ASH1L: variants seen among roughly 807,000 people sequenced by gnomAD.
ASH1L encodes ASH1 like histone lysine methyltransferase.
In ASH1L, 23 loss-of-function variants were observed where a neutral mutation model predicts 269.0. The observed-to-expected ratio is 0.09, with a 90% CI of 0.06 to 0.12. The LOEUF (loss-of-function observed/expected upper bound fraction) is 0.12, where lower values mean the gene tolerates loss of function less well. Among genes scored for constraint, ASH1L ranks in the 10% least tolerant of loss-of-function variants. ASH1L has a pLI of 1.00. For synonymous variants in ASH1L, 1,187 were observed against 1,253.5 expected, an observed-to-expected ratio of 0.95 and a Z score of 1.12; for missense variants, 2,912 against 3,567.8, an observed-to-expected ratio of 0.82 and a Z score of 4.68.
rs189590412 is a variant in ASH1L at position 155,478,509 on chromosome 1, G to C, written c.4361C>G (p.Thr1454Arg). ...HKLLRQEAFL[T>R]TSRTPLLSMS... ...GGAAAGGAGGGGAGTCCTGCTGGTT[G>C]TAAGAAAGGCCTCCTGTCGAAGTAG... The change falls in exon 3 of 28, where the codon ACA (threonine) becomes AGA (arginine). Residue 1454 changes from threonine (T) to arginine (R), a missense_variant. Physicochemically the swap from Thr to Arg is moderately conservative, Grantham distance 71. Around this residue, in one of 13 missense-constraint regions of ASH1L, gnomAD observed 789 missense variants for 897.6 expected, o/e 0.88. Coordinates refer to ENST00000392403, the MANE Select transcript of ASH1L (RefSeq NM_018489.3). The surrounding 1 kb of genome is among the most constrained non-coding windows in gnomAD (Gnocchi z 4.6). 8.5e-5 allele frequency: 137 copies of C among 1,614,114 alleles called. 1 individual carries two copies. In the East Asian group the frequency reaches 9.4e-4, roughly 11 times the overall value.
At chr1:155,471,791 T>C (rs1665119682) in intron 3 of ASH1L, among the ~76,000 whole-genome samples, 1 of 152,250 alleles carries the variant, frequency 6.6e-6, no homozygotes, top group Non-Finnish European at 1.5e-5. Context: ...CAGGCAGAAG[T>C]ATGGATGTCT....
chr1:155,523,424 C>T (rs554807576), intron 1 of ASH1L, among the ~76,000 whole-genome samples: 1 of 152,188 alleles, frequency 6.6e-6, no homozygotes, highest in Non-Finnish European at 1.5e-5. Context: ...CCTTGAAGGT[C>T]GAGGCTGCAG....
In ASH1L at chr1:155,347,746, C is replaced by T; in HGVS notation, c.7713G>A (p.Glu2571=). 8 of 1,614,228 alleles carry T rather than the reference C, an allele frequency of 5.0e-6. No individual in the cohort carries two copies. The highest frequency in any genetic ancestry group is 5.9e-6 in the Non-Finnish European group (7 of 1,180,040). Reference sequence around the variant, plus strand: ...CATCGTCGTCCTTCTCATGCCCATTCTCCTTTTCAGAGACTGAGGTCTCAC... The same window carrying T: ...CATCGTCGTCCTTCTCATGCCCATTTTCCTTTTCAGAGACTGAGGTCTCAC... ...DSSETSVSEK[E]NGHEKDDDVI... The change falls in exon 20 of 28, where the codon GAG becomes GAA. Residue 2571 remains glutamate (E), a synonymous_variant. Transcript: ENST00000392403.
At chr1:155,422,850 A>G (rs1372955439) in intron 5 of ASH1L, among the ~76,000 whole-genome samples, 1 of 150,646 alleles carries the variant, frequency 6.6e-6, no homozygotes, top group African/African-American at 2.4e-5. Context: ...AGGTTTCACC[A>G]TGTTGACCAG....
chr1:155,369,215 G>A (rs185511964), intron 12 of ASH1L, among the ~76,000 whole-genome samples: 116 of 152,174 alleles, frequency 7.6e-4, no homozygotes, highest in African/African-American at 2.7e-3. Context: ...AGGCCGAGGC[G>A]GGCGGATCAC....
In ASH1L at chr1:155,480,902, C is replaced by A; in HGVS notation, c.1968G>T (p.Leu656Phe). 1 of 1,613,770 alleles carries A rather than the reference C, an allele frequency of 6.2e-7. No homozygotes were observed. Among genetic ancestry groups the A allele is most frequent in the South Asian group, 1.1e-5 (1 of 90,968 alleles). ...TAGTATGAATGCTGGATTCAGAAGT[C>A]AAACTTGGCTTTTTTCCAAGGGAAG... ...ISSSLGKKPS[L>F]TSESSIHTIT... Residue 656 changes from leucine (L) to phenylalanine (F), a missense_variant, in exon 3 of 28, where the codon TTG (leucine) becomes TTT (phenylalanine). By Grantham distance (22) the Leu-to-Phe change is conservative (BLOSUM62 0). Coordinates refer to ENST00000392403, the MANE Select transcript of ASH1L (RefSeq NM_018489.3).
chr1:155,559,490 G>A (rs1440121205), intron 1 of ASH1L, among the ~76,000 whole-genome samples: 1 of 147,844 alleles, frequency 6.8e-6, no homozygotes, highest in East Asian at 2.0e-4. Flanking sequence ...AATTGAGATA[G>A]CGCCACTGCA....
rs989432344 is a variant in ASH1L at position 155,335,848 on chromosome 1, C to T, written c.*1812G>A. ...TTTAATCTCTTTCTTGTCATTTTCT[C>T]GCTTTTGACTAAAAGGAGACCCCCA... is the stretch of plus-strand genomic sequence containing the variant. On this transcript the variant is annotated 3_prime_UTR_variant, in exon 28 of 28. Coordinates refer to ENST00000392403, the MANE Select transcript of ASH1L (RefSeq NM_018489.3). 6.6e-5 allele frequency: 10 copies of T among 152,278 alleles called. No individual in the cohort carries two copies. The highest frequency in any genetic ancestry group is 3.8e-4 in the East Asian group (2 of 5,318). The allele number at this position is 152,278 out of a possible 1,614,324, so 9.4% of individuals were successfully genotyped here. A position where few individuals can be genotyped will look rare whatever the true frequency, so the allele number is the denominator to read the frequency against.
At chr1:155,464,517 C>CAA (rs199682180) in intron 3 of ASH1L, among the ~76,000 whole-genome samples, 15 of 134,274 alleles carry the variant, frequency 1.1e-4, no homozygotes, top group African/African-American at 3.8e-4. Context: ...AGGCAAGCTG[C>CAA]AAAAAAAAAA....
At chr1:155,358,183 C>A (rs1654584613) in intron 13 of ASH1L, among the ~76,000 whole-genome samples, 1 of 152,014 alleles carries the variant, frequency 6.6e-6, no homozygotes, top group Non-Finnish European at 1.5e-5. Flanking sequence ...GGGAAAACAA[C>A]TGATTGAGAG....
At chr1:155,466,189 C>A (rs1219880177) in intron 3 of ASH1L, among the ~76,000 whole-genome samples, 1 of 152,026 alleles carries the variant, frequency 6.6e-6, no homozygotes, top group Non-Finnish European at 1.5e-5. Context: ...CCCGTCTCTA[C>A]TAAAAATACA....
chr1:155,444,539 T>C (rs2148636882), intron 4 of ASH1L, among the ~76,000 whole-genome samples: 1 of 152,348 alleles, frequency 6.6e-6, no homozygotes, highest in Non-Finnish European at 1.5e-5. Context: ...GAAAATTCTA[T>C]TCAGATCTTT....
At chr1:155,473,402 G>A (rs1665259670) in intron 3 of ASH1L, among the ~76,000 whole-genome samples, 1 of 151,998 alleles carries the variant, frequency 6.6e-6, no homozygotes, top group Admixed American at 6.6e-5. Context: ...TGTGCCTACA[G>A]TTGAGCAGCT....
In ASH1L at chr1:155,480,110, G is replaced by C; in HGVS notation, c.2760C>G (p.Ser920Arg). 6.2e-7 allele frequency: 1 copy of C among 1,614,078 alleles called. No homozygotes were observed. The highest frequency in any genetic ancestry group is 8.5e-7 in the Non-Finnish European group (1 of 1,180,002). The change falls in exon 3 of 28, where the codon AGC (serine) becomes AGG (arginine). Residue 920 changes from serine (S) to arginine (R), a missense_variant. Around this residue, in one of 13 missense-constraint regions of ASH1L, gnomAD observed 715 missense variants for 721.0 expected, o/e 0.99. Coordinates refer to ENST00000392403, the MANE Select transcript of ASH1L (RefSeq NM_018489.3). Reference sequence around the variant, plus strand: ...GGTTGTCACTTTCAGATTCTAGCTTGCTTGGACTTTCAGTGGCAACAAATG... The same window carrying C: ...GGTTGTCACTTTCAGATTCTAGCTTCCTTGGACTTTCAGTGGCAACAAATG... Reference protein sequence around the residue: ...VAPFVATESPSKLESESDNHR... With the variant: ...VAPFVATESPRKLESESDNHR...
intron 17 of ASH1L, among the ~76,000 whole-genome samples, chr1:155,351,428 C>G (rs981446648): frequency 6.6e-6 from 1 of 152,024 alleles, no homozygotes; most frequent in Non-Finnish European, 1.5e-5. Flanking sequence ...TGGCGCACAC[C>G]TGGAGTCCCA....
intron 5 of ASH1L, among the ~76,000 whole-genome samples, chr1:155,436,737 C>T (rs1428173807): frequency 2.6e-5 from 4 of 151,896 alleles, no homozygotes; most frequent in South Asian, 4.2e-4. Context: ...CCTCGTGATC[C>T]GCCCACCTTG....
At chr1:155,509,920 T>A (rs1415038919) in intron 2 of ASH1L, among the ~76,000 whole-genome samples, 1 of 152,096 alleles carries the variant, frequency 6.6e-6, no homozygotes, top group Admixed American at 6.6e-5. Flanking sequence ...ATTTATATGT[T>A]AAAAAACAAA....
Position 155,438,767 on chromosome 1 carries a change from C to T in ASH1L, c.5388G>A (p.Lys1796=), listed in dbSNP as rs117417004. The change falls in exon 5 of 28, where the codon AAG becomes AAA. Residue 1796 remains lysine (K), a synonymous_variant. Coordinates refer to ENST00000392403, the MANE Select transcript of ASH1L (RefSeq NM_018489.3). ...GTTGCATAGCTTCCACTACACTTCT[C>T]TTGATATGATGGGGGGAACAGCTGC... ...LTSSCSPHHI[K]RSVVEAMQRQ... is the part of the protein sequence containing the mutation. 1,467 of 1,614,198 alleles carry T rather than the reference C, an allele frequency of 9.1e-4. 17 individuals are homozygous for T. The East Asian group carries it at 0.024, about 26-fold the overall frequency.
chr1:155,355,197 C>G (rs570120135), intron 15 of ASH1L, among the ~76,000 whole-genome samples: 2 of 152,296 alleles, frequency 1.3e-5, no homozygotes, highest in South Asian at 4.1e-4. Flanking sequence ...GTTATAGGTG[C>G]CTGCCACCAC....
Sources: allele counts gnomAD v4.1 joint callset (sites outside exome capture counted in the v4.1 genomes callset), GRCh38; gene constraint gnomAD v4.1.1; regional missense constraint gnomAD v4.1.1; non-coding constraint Gnocchi (gnomAD v3.1); transcripts MANE v1.5; gene names NCBI Gene and HGNC (gene_info 2026-07-23, HGNC 2026-07-21).